Variants in FHIT observed in about 807,000 individuals in gnomAD.
FHIT encodes fragile histidine triad diadenosine triphosphatase.
Under a neutral mutation model 17.9 loss-of-function variants are expected in FHIT, and 19 were observed. The ratio of observed to expected loss-of-function variants is 1.06; its 90% CI spans 0.74 to 1.56. The LOEUF (loss-of-function observed/expected upper bound fraction) is 1.56, where lower values mean the gene tolerates loss of function less well. Among genes scored for constraint, FHIT ranks in the 40% most tolerant of loss-of-function variants. FHIT has a pLI of 0.00. For synonymous variants in FHIT, 81 were observed against 69.7 expected (o/e 1.16, Z -0.81); for missense variants, 248 against 189.2 (o/e 1.31, Z -1.82).
At chr3:61,218,408 G>A (rs2039744890) in intron 1 of FHIT, among the ~76,000 whole-genome samples, 1 of 152,172 alleles carries the variant, frequency 6.6e-6, no homozygotes, top group African/African-American at 2.4e-5. Context: ...GCAGAATTCA[G>A]TTTGGAGTTG....
At chr3:61,167,907 T>G (rs1192121714) in intron 2 of FHIT, among the ~76,000 whole-genome samples, 1 of 152,090 alleles carries the variant, frequency 6.6e-6, no homozygotes, top group Non-Finnish European at 1.5e-5. Context: ...GAGGTGAGAT[T>G]ATTTGTCCAA....
intron 5 of FHIT, among the ~76,000 whole-genome samples, chr3:60,471,218 C>T (rs2033073779): frequency 6.6e-6 from 1 of 152,182 alleles, no homozygotes; most frequent in South Asian, 2.1e-4. Flanking sequence ...CCTTCACCAG[C>T]TGATATCTTC....
intron 8 of FHIT, among the ~76,000 whole-genome samples, chr3:59,804,095 T>C (rs1700104627): frequency 6.6e-6 from 1 of 152,176 alleles, no homozygotes; most frequent in South Asian, 2.1e-4. Flanking sequence ...TCATGACATA[T>C]TCTGTTTTCT....
chr3:61,124,810 C>G (rs1168623415), intron 2 of FHIT, among the ~76,000 whole-genome samples: 1 of 152,150 alleles, frequency 6.6e-6, no homozygotes, highest in South Asian at 2.1e-4. Context: ...TGTGCAGTTA[C>G]TCTTCTAGTA....
At chr3:60,272,889 A>G (rs1037349012) in intron 5 of FHIT, among the ~76,000 whole-genome samples, 5 of 152,218 alleles carry the variant, frequency 3.3e-5, no homozygotes, top group African/African-American at 7.2e-5. Flanking sequence ...GTGACTGGCA[A>G]TGAGGGTAAA....
chr3:60,196,500 C>T (rs1702645842), intron 5 of FHIT, among the ~76,000 whole-genome samples: 2 of 152,064 alleles, frequency 1.3e-5, no homozygotes, highest in Non-Finnish European at 2.9e-5. Context: ...CCCCCTATCC[C>T]AAAATTTTTA....
At chr3:60,595,792 C>A (rs1463175262) in intron 4 of FHIT, among the ~76,000 whole-genome samples, 2 of 151,512 alleles carry the variant, frequency 1.3e-5, no homozygotes, top group Non-Finnish European at 3.0e-5. Flanking sequence ...TACAGGCATG[C>A]ACCGCCATGC....
intron 2 of FHIT, among the ~76,000 whole-genome samples, chr3:61,150,049 T>C (rs556722196): frequency 1.4e-4 from 21 of 152,264 alleles, no homozygotes; most frequent in African/African-American, 5.1e-4. Flanking sequence ...CCCCTGTCCT[T>C]TTCTTCATTC....
At position 60,170,995 on chromosome 3, in the gene FHIT, G is replaced by A. The variant is rs951200532; in HGVS notation, c.104-156843C>T. On this transcript the variant is annotated intron_variant, in intron 5 of 9. Transcript: ENST00000492590. Reference sequence around the variant, plus strand: ...GCCAACTTATTGGGGAGAACTGGAGGCCTAGGAAAAAGAAAAGGCCCAACT... The same window carrying A: ...GCCAACTTATTGGGGAGAACTGGAGACCTAGGAAAAAGAAAAGGCCCAACT... 1.5e-4 allele frequency among the ~76,000 whole-genome samples: 23 copies of A among 152,052 alleles called. 1 individual carries two copies.
intron 8 of FHIT, among the ~76,000 whole-genome samples, chr3:59,778,083 A>G (rs780371): frequency 0.11 from 16,471 of 152,212 alleles, 1,157 homozygotes; most frequent in Non-Finnish European, 0.16. Flanking sequence ...CTACTAGAGT[A>G]ATCTCTTTGG....
chr3:61,244,169 A>G (rs549750693), intron 1 of FHIT: 1 of 152,222 alleles, frequency 6.6e-6, no homozygotes, highest in Non-Finnish European at 1.5e-5. Flanking sequence ...TGTAAAAAAT[A>G]AACAAACAAA....
At chr3:61,223,186 C>T (rs750564117) in intron 1 of FHIT, among the ~76,000 whole-genome samples, 1 of 152,134 alleles carries the variant, frequency 6.6e-6, no homozygotes. Flanking sequence ...AACTATTCTG[C>T]CAGTCGGACA....
At chr3:61,035,891 T>C (rs916939993) in intron 3 of FHIT, among the ~76,000 whole-genome samples, 2 of 152,202 alleles carry the variant, frequency 1.3e-5, no homozygotes, top group Non-Finnish European at 2.9e-5. Flanking sequence ...TTCCAATAGA[T>C]AAAATCCCTC....
intron 5 of FHIT, among the ~76,000 whole-genome samples, chr3:60,266,874 G>A (rs947944671): frequency 2.6e-5 from 4 of 152,056 alleles, no homozygotes; most frequent in Admixed American, 6.6e-5. Context: ...ACAGTGATAA[G>A]TATTTACAAA....
intron 8 of FHIT, among the ~76,000 whole-genome samples, chr3:59,752,635 AAG>A (rs1700981478): frequency 6.6e-6 from 1 of 152,162 alleles, no homozygotes; most frequent in African/African-American, 2.4e-5. Context: ...GCCTGGTGGC[AAG>A]TGACTGGACC....
At chr3:61,076,565 T>C (rs2034977973) in intron 2 of FHIT, among the ~76,000 whole-genome samples, 1 of 152,204 alleles carries the variant, frequency 6.6e-6, no homozygotes. Context: ...TATTTTTATA[T>C]GGGAAGTCTG....
chr3:59,779,797 G>A (rs932478561), intron 8 of FHIT, among the ~76,000 whole-genome samples: 20 of 152,252 alleles, frequency 1.3e-4, no homozygotes, highest in African/African-American at 4.8e-4. Context: ...CCAGTTCAGT[G>A]CCTTGCCATG....
rs190885453 is a variant in FHIT, at chr3:60,273,586, G to A, written c.104-259434C>T. Among the ~76,000 whole-genome samples, 99 of 152,124 alleles carry A rather than the reference G, an allele frequency of 6.5e-4. 1 individual carries two copies. Among genetic ancestry groups the A allele is most frequent in the Middle Eastern group, 6.8e-3 (2 of 294 alleles). ...ATCACACCACTGCATTCCAGCCAGA[G>A]CAACAGTGCAAGACTCCGTCGTCTC... On this transcript the variant is annotated intron_variant, in intron 5 of 9. Coordinates refer to ENST00000492590, the MANE Select transcript of FHIT (RefSeq NM_002012.4).
chr3:61,069,686 C>G (rs1387061477), intron 2 of FHIT, among the ~76,000 whole-genome samples: 1 of 152,174 alleles, frequency 6.6e-6, no homozygotes, highest in Non-Finnish European at 1.5e-5. Flanking sequence ...CCTTTCTTAA[C>G]CAGCATTGCG....
Sources: allele counts gnomAD v4.1 joint callset (sites outside exome capture counted in the v4.1 genomes callset), GRCh38; gene constraint gnomAD v4.1.1; transcripts MANE v1.5; gene names NCBI Gene and HGNC (gene_info 2026-07-23, HGNC 2026-07-21).